The following PLEKHD1 variants were observed in gnomAD, a reference collection of about 807,000 sequenced individuals.
PLEKHD1 encodes pleckstrin homology domain-containing family D member 1.
A neutral mutation model predicts 69.2 loss-of-function variants in PLEKHD1; 51 were observed. The ratio of observed to expected loss-of-function variants is 0.74; its 90% CI spans 0.59 to 0.93. PLEKHD1 has a LOEUF of 0.93. Among genes scored for constraint, PLEKHD1 ranks in the 40% least tolerant of loss-of-function variants. The pLI, the probability that PLEKHD1 is intolerant of heterozygous loss-of-function variation, is 0.00. For missense variants in PLEKHD1, 584 were observed against 641.0 expected (o/e 0.91, Z 0.96); for synonymous variants, 236 against 244.7 (o/e 0.96, Z 0.33).
chr14:69,510,190 C>A (rs1416242887), intron 6 of PLEKHD1, among the ~76,000 whole-genome samples: 1 of 152,156 alleles, frequency 6.6e-6, no homozygotes, highest in Non-Finnish European at 1.5e-5. Flanking sequence ...TGTTTTGCCT[C>A]TCCATGTAAA....
In PLEKHD1 at chr14:69,516,281, A is replaced by C. The variant is rs191849113; in HGVS notation, c.556-6002A>C. The stretch of plus-strand genomic sequence containing the variant: ...TCATGCTCTTTGTAGAAAACTTGTA[A>C]AACATGAATAAGAAAATAAAATTTA... On this transcript the variant is annotated intron_variant, in intron 6 of 12. Coordinates refer to ENST00000322564, the MANE Select transcript of PLEKHD1 (RefSeq NM_001161498.2). Among the ~76,000 whole-genome samples, 362 of 152,316 alleles carry C rather than the reference A, an allele frequency of 2.4e-3. 1 individual carries two copies. Among genetic ancestry groups the C allele is most frequent in the African/African-American group, 8.3e-3 (347 of 41,564 alleles).
Position 69,485,115 on chromosome 14 carries a change from G to T in PLEKHD1, c.149+1G>T, listed in dbSNP as rs1230904120. On this transcript the variant is annotated splice_donor_variant, in intron 1 of 12. Coordinates refer to ENST00000322564, the MANE Select transcript of PLEKHD1 (RefSeq NM_001161498.2). LOFTEE classifies it high-confidence loss of function. ...GGCCGTCGGCCAAGTGGTCCCGGCG[G>T]TGAGTGCGCCCCCGCGCCCCAAGGA... The T allele has an allele frequency of 1.9e-6, 3 of 1,549,314 alleles. No individual in the cohort carries two copies. Among genetic ancestry groups the T allele is most frequent in the Non-Finnish European group, 2.6e-6 (3 of 1,146,098 alleles).
Position 69,531,519 on chromosome 14 carries a change from T to C in PLEKHD1, c.*3100T>C, listed in dbSNP as rs1883789584. ...TTTTTAAAAACAAAACTCTTATTCC[T>C]TGGCCAATTAAATGCATTTCCTGCA... On this transcript the variant is annotated 3_prime_UTR_variant, in exon 13 of 13. Transcript: ENST00000322564. 1 of 152,004 alleles carries C rather than the reference T, an allele frequency of 6.6e-6. No individual in the cohort carries two copies. Among genetic ancestry groups the C allele is most frequent in the African/African-American group, 2.4e-5 (1 of 41,432 alleles). The allele number at this position is 152,004 out of a possible 1,614,324, so 9.4% of individuals were successfully genotyped here.
intron 6 of PLEKHD1, among the ~76,000 whole-genome samples, chr14:69,510,311 A>T (rs946536103): frequency 1.3e-5 from 2 of 152,236 alleles, no homozygotes; most frequent in African/African-American, 4.8e-5. Flanking sequence ...ATATTGAATC[A>T]TCCTATTTAT....
At chr14:69,522,753 A>G (rs1477541299) in intron 7 of PLEKHD1, among the ~76,000 whole-genome samples, 1 of 152,090 alleles carries the variant, frequency 6.6e-6, no homozygotes, top group African/African-American at 2.4e-5. Context: ...TTTCCTGCAT[A>G]GTCCTTTTTG....
At chr14:69,514,194 C>T (rs1036630358) in intron 6 of PLEKHD1, among the ~76,000 whole-genome samples, 4 of 150,916 alleles carry the variant, frequency 2.7e-5, no homozygotes, top group African/African-American at 9.7e-5. Context: ...TGATTATTCT[C>T]ATTATACATT....
chr14:69,489,640 G>A (rs1337990358), intron 1 of PLEKHD1, among the ~76,000 whole-genome samples: 2 of 149,266 alleles, frequency 1.3e-5, no homozygotes, highest in Non-Finnish European at 3.0e-5. Flanking sequence ...TCCAGCCCCA[G>A]CTCTGCCAGT....
chr14:69,496,702 A>ATTT (rs375368521), intron 1 of PLEKHD1, among the ~76,000 whole-genome samples: 2,513 of 112,860 alleles, frequency 0.022, 39 homozygotes, highest in Middle Eastern at 0.029. Flanking sequence ...TGCCCAGCTA[A>ATTT]TTTTTTTTTT....
chr14:69,527,851 G>A lies in PLEKHD1; in HGVS notation c.1270G>A (p.Val424Met), dbSNP rs556157688. Residue 424 changes from valine (V) to methionine (M), a missense_variant, in exon 12 of 13, where the codon GTG (valine) becomes ATG (methionine). Val to Met is a conservative substitution (Grantham distance 21). Coordinates refer to ENST00000322564, the MANE Select transcript of PLEKHD1 (RefSeq NM_001161498.2). ...AKMPVIMKNSVYIHKAATRRI... is the reference protein window; with the variant it reads ...AKMPVIMKNSMYIHKAATRRI... ...GATGCCTGTGATCATGAAGAACTCC[G>A]TGTACATCCATAAGGCAGCCACTCG... is the stretch of plus-strand genomic sequence containing the variant. The A allele has an allele frequency of 8.8e-5, 136 of 1,551,484 alleles. No homozygotes were observed. The highest frequency in any genetic ancestry group is 1.7e-4 in the Middle Eastern group (1 of 5,992).
At chr14:69,483,498 G>A (rs571919984), upstream of PLEKHD1, among the ~76,000 whole-genome samples, 24 of 152,170 alleles carry the variant, frequency 1.6e-4, no homozygotes, top group African/African-American at 5.3e-4. Context: ...CTATAAAGGG[G>A]CATGAAGAAA....
At chr14:69,525,817 A>T in intron 8 of PLEKHD1, 127 bp from the exon 9 acceptor site, 1 of 876,158 alleles carries the variant, frequency 1.1e-6, no homozygotes, top group Non-Finnish European at 1.7e-6. Flanking sequence ...AAGAATGAAG[A>T]CATTTCAGCG....
At chr14:69,489,017 CA>C (rs1174228069) in intron 1 of PLEKHD1, among the ~76,000 whole-genome samples, 27 of 112,254 alleles carry the variant, frequency 2.4e-4, no homozygotes, top group African/African-American at 7.1e-4. Context: ...CACATCAGGT[CA>C]CTGGGGTCGT....
the PLEKHD1 span, among the ~76,000 whole-genome samples, chr14:69,467,899 TAATA>T: frequency 3.9e-5 from 6 of 152,210 alleles, no homozygotes; most frequent in South Asian, 4.1e-4. Context: ...ATTTCACCAC[TAATA>T]AATCATTTCT....
chr14:69,527,089 C>A, intron 10 of PLEKHD1, 99 bp from the exon 11 acceptor site: 1 of 1,383,678 alleles, frequency 7.2e-7, no homozygotes. Context: ...CTCCCATCCA[C>A]GCCCATTGAG....
chr14:69,500,637 G>C lies in PLEKHD1; in HGVS notation c.304G>C (p.Ala102Pro). 1 of 1,551,488 alleles carries C rather than the reference G, an allele frequency of 6.4e-7. No individual in the cohort carries two copies. The highest frequency in any genetic ancestry group is 8.7e-7 in the Non-Finnish European group (1 of 1,146,908). The change falls in exon 3 of 13, where the codon GCC becomes CCC. Residue 102 changes from alanine (A) to proline (P), a missense_variant. By Grantham distance (27) the Ala-to-Pro change is conservative. Transcript: ENST00000322564. ...EPKEEPSMPY[A>P]MKISHQDFHG... The stretch of plus-strand genomic sequence containing the variant: ...CAAGGAAGAGCCTAGCATGCCCTAT[G>C]CCATGAAGATCTCCCACCAGGACTT...
At chr14:69,495,964 T>C (rs1882879835) in intron 1 of PLEKHD1, among the ~76,000 whole-genome samples, 1 of 152,230 alleles carries the variant, frequency 6.6e-6, no homozygotes, top group Non-Finnish European at 1.5e-5. Flanking sequence ...GACAGGGATT[T>C]TTGTCTGTCT....
At chr14:69,524,465 T>G in intron 8 of PLEKHD1, 143 bp downstream of exon 8, 3 of 697,176 alleles carry the variant, frequency 4.3e-6, no homozygotes, top group Non-Finnish European at 7.3e-6. Context: ...AAAGGGTCTC[T>G]TCTCTATGGA....
At chr14:69,471,805 T>C in the PLEKHD1 span, among the ~76,000 whole-genome samples, 72,800 of 151,908 alleles carry the variant, frequency 0.48, 17,697 homozygotes, top group Middle Eastern at 0.59. Flanking sequence ...GATGTCAACC[T>C]ATACACAGGA....
intron 6 of PLEKHD1, among the ~76,000 whole-genome samples, chr14:69,508,564 A>G (rs1002608708): frequency 1.3e-5 from 2 of 152,132 alleles, no homozygotes; most frequent in Non-Finnish European, 2.9e-5. Flanking sequence ...ACAGGCATGC[A>G]CCACCATGCA....
Sources: allele counts gnomAD v4.1 joint callset (sites outside exome capture counted in the v4.1 genomes callset), GRCh38; gene constraint gnomAD v4.1.1; transcripts MANE v1.5; gene names NCBI Gene and HGNC (gene_info 2026-07-23, HGNC 2026-07-21).